SHANK1: variants seen among roughly 807,000 people sequenced by gnomAD.
SHANK1 encodes SH3 and multiple ankyrin repeat domains protein 1.
Under a neutral mutation model 165.6 loss-of-function variants are expected in SHANK1, and 35 were observed. The observed-to-expected ratio is 0.21, with a 90% CI of 0.16 to 0.28. The LOEUF is 0.28. SHANK1 is among the 10% of genes least tolerant of loss of function. The pLI, the probability that SHANK1 is intolerant of heterozygous loss-of-function variation, is 1.00. For synonymous variants in SHANK1, 1,428 were observed against 1,384.8 expected (o/e 1.03, Z -0.69); for missense variants, 2,681 against 3,036.4 (o/e 0.88, Z 2.75).
rs909508686 is a variant in SHANK1, at chr19:50,686,194, C to T, written c.2577+43G>A. The T allele has an allele frequency of 8.2e-6, 10 of 1,217,140 alleles. No homozygotes were observed. The highest frequency in any genetic ancestry group is 2.8e-5 in the South Asian group (2 of 70,590). 75.4% of individuals were successfully genotyped at this position (1,217,140 alleles called of 1,614,324 possible). A position where few individuals can be genotyped will look rare whatever the true frequency, so the allele number is the denominator to read the frequency against. ...GAAAGGCTCCAGGTTGGTGTGTGAA[C>T]CGCCTCCCCCCTGGCAGTTCCTCCC... On this transcript the variant is annotated intron_variant, in intron 21 of 23. Coordinates refer to ENST00000293441, the MANE Select transcript of SHANK1 (RefSeq NM_016148.5). The surrounding 1 kb of genome is among the most constrained non-coding windows in gnomAD (Gnocchi z 5.7).
intron 23 of SHANK1, among the ~76,000 whole-genome samples, chr19:50,663,478 G>A (rs1375792108): frequency 6.6e-6 from 1 of 152,086 alleles, no homozygotes; most frequent in Non-Finnish European, 1.5e-5. Context: ...TGCCCACCTT[G>A]CCTGTTACAT....
At position 50,697,152 on chromosome 19, in the gene SHANK1, G is replaced by A. The variant is rs1317223407; in HGVS notation, c.1938-30C>T. The stretch of plus-strand genomic sequence containing the variant: ...CGAAGCAAGTCAGCCAGCAGCCAGG[G>A]AGGGGAAAGGTGTCAGTGCACCCAT... On this transcript the variant is annotated intron_variant, in intron 14 of 23. Coordinates refer to ENST00000293441, the MANE Select transcript of SHANK1 (RefSeq NM_016148.5). The surrounding 1 kb of genome is among the most constrained non-coding windows in gnomAD (Gnocchi z 4.7). The A allele has an allele frequency of 3.1e-6, 5 of 1,613,790 alleles. No individual in the cohort carries two copies. In the Admixed American group the frequency reaches 8.3e-5, roughly 27 times the overall value.
intron 12 of SHANK1, among the ~76,000 whole-genome samples, chr19:50,699,840 T>C (rs573279672): frequency 2.3e-4 from 28 of 124,220 alleles, no homozygotes; most frequent in African/African-American, 7.6e-4. Flanking sequence ...GATTAGAGGG[T>C]TTGGGGCATT....
At chr19:50,676,654 G>T (rs893885327) in intron 21 of SHANK1, among the ~76,000 whole-genome samples, 1 of 152,148 alleles carries the variant, frequency 6.6e-6, no homozygotes, top group African/African-American at 2.4e-5. Flanking sequence ...ACTGATGACA[G>T]TTTGGAGTCA....
In SHANK1 at chr19:50,662,471, G is replaced by A. The variant is rs373993850; in HGVS notation, c.5980C>T (p.Leu1994=). ...GAGGGGCTGGGGGCCCGGCGGAGCA[G>A]AGGGGGCCGCATCTCGAACTCCACG... ...QGVEFEMRPP[L]LRRAPSPSLL... Residue 1994 remains leucine, a synonymous_variant, in exon 24 of 24, where the codon CTG becomes TTG. Transcript: ENST00000293441. This position sits in a 1 kb window ranked among gnomAD's most constrained non-coding sequence, Gnocchi z 7.7. The A allele has an allele frequency of 1.3e-6, 2 of 1,553,094 alleles. No individual in the cohort carries two copies. The highest frequency in any genetic ancestry group is 2.4e-5 in the South Asian group (2 of 82,658).
chr19:50,677,830 C>T (rs1186834435), intron 21 of SHANK1, among the ~76,000 whole-genome samples: 1 of 152,186 alleles, frequency 6.6e-6, no homozygotes. Flanking sequence ...TCCTGCCATG[C>T]TGCTCTTCTC....
chr19:50,673,512 G>A (rs1252116865), intron 21 of SHANK1, among the ~76,000 whole-genome samples: 2 of 152,010 alleles, frequency 1.3e-5, no homozygotes, highest in African/African-American at 4.8e-5. Flanking sequence ...TCTCCTCGGC[G>A]AGACCTTCCC....
Position 50,667,028 on chromosome 19 carries a change from G to T in SHANK1, c.4932C>A (p.Asp1644Glu). Residue 1644 changes from aspartate (D) to glutamate (E), a missense_variant, in exon 23 of 24, where the codon GAC (aspartate) becomes GAA (glutamate). Asp to Glu is a conservative substitution (Grantham distance 45, BLOSUM62 2). Transcript: ENST00000293441. The surrounding 1 kb of genome is among the most constrained non-coding windows in gnomAD (Gnocchi z 5.7). ...LTQGASAAPG[D>E]PHPPGPPAPA... ...GGGCAGGCGGGCCTGGTGGATGGGG[G>T]TCCCCAGGAGCGGCGGAGGCCCCCT... 6.5e-7 allele frequency: 1 copy of T among 1,550,162 alleles called. No homozygotes were observed. Among genetic ancestry groups the T allele is most frequent in the East Asian group, 2.3e-5 (1 of 43,416 alleles).
chr19:50,671,180 CTTTTTTT>C (rs35076465), intron 22 of SHANK1, among the ~76,000 whole-genome samples: 4 of 76,724 alleles, frequency 5.2e-5, no homozygotes, highest in Non-Finnish European at 9.1e-5. Context: ...TTTTTTCACT[CTTTTTTT>C]TTTTTTTTTT....
chr19:50,663,957 T>TTTTA (rs1555739159), intron 23 of SHANK1, among the ~76,000 whole-genome samples: 5 of 147,760 alleles, frequency 3.4e-5, no homozygotes, highest in Non-Finnish European at 7.5e-5. Context: ...TTTTTTTTTT[T>TTTTA]AAGACAGGGT....
rs1986418078 is a variant in SHANK1, at chr19:50,688,088, G to T, written c.2173-30C>A. On this transcript the variant is annotated intron_variant, in intron 17 of 23. Coordinates refer to ENST00000293441, the MANE Select transcript of SHANK1 (RefSeq NM_016148.5). The surrounding 1 kb of genome is among the most constrained non-coding windows in gnomAD (Gnocchi z 6.7). Reference sequence around the variant, plus strand: ...GGCACAGACACCCCCAGATCACACAGAGTAGACGAGGGGAGGGGTGCTTGC... The same window carrying T: ...GGCACAGACACCCCCAGATCACACATAGTAGACGAGGGGAGGGGTGCTTGC... 1 of 1,612,650 alleles carries T rather than the reference G, an allele frequency of 6.2e-7. No homozygotes were observed. Among genetic ancestry groups the T allele is most frequent in the Non-Finnish European group, 8.5e-7 (1 of 1,179,586 alleles).
chr19:50,675,119 T>TA (rs1271543360), intron 21 of SHANK1, among the ~76,000 whole-genome samples: 2 of 150,858 alleles, frequency 1.3e-5, no homozygotes, highest in East Asian at 3.9e-4. Flanking sequence ...CCTGTCATCT[T>TA]AGTTACTTGG....
chr19:50,683,871 T>A (rs1986251126), intron 21 of SHANK1, among the ~76,000 whole-genome samples: 1 of 152,184 alleles, frequency 6.6e-6, no homozygotes, highest in African/African-American at 2.4e-5. Context: ...CTGGGAATCA[T>A]GAGGGCCAAC....
At chr19:50,681,535 T>A (rs1192095283) in intron 21 of SHANK1, among the ~76,000 whole-genome samples, 1 of 152,126 alleles carries the variant, frequency 6.6e-6, no homozygotes, top group African/African-American at 2.4e-5. Context: ...CTCTTGACTG[T>A]CCTGTAACTG....
chr19:50,663,133 T>C (rs1985336825), intron 23 of SHANK1: 1 of 201,952 alleles, frequency 5.0e-6, no homozygotes, highest in Non-Finnish European at 1.0e-5. Flanking sequence ...CCCGGTTATA[T>C]GGCACCAAAG....
chr19:50,703,628 C>A lies in SHANK1; in HGVS notation c.1425G>T (p.Ser475=). 1 of 1,547,584 alleles carries A rather than the reference C, an allele frequency of 6.5e-7. No homozygotes were observed. ...CGCTGCTGAGCTTGGTGGTGGGGGC[C>A]GAGGGCTGCGACTGGCCCTGGGACC... The part of the protein sequence containing the change: ...TSGSQGQSQP[S]APTTKLSSGT... The change falls in exon 11 of 24, where the codon TCG becomes TCT. Residue 475 remains serine, a synonymous_variant. Coordinates refer to ENST00000293441, the MANE Select transcript of SHANK1 (RefSeq NM_016148.5).
intron 21 of SHANK1, among the ~76,000 whole-genome samples, chr19:50,676,330 A>G (rs1052026113): frequency 1.3e-5 from 2 of 152,132 alleles, no homozygotes; most frequent in Non-Finnish European, 2.9e-5. Context: ...GAGGTCAAGG[A>G]AGGCCTCACT....
chr19:50,682,771 A>G (rs1307027084), intron 21 of SHANK1, among the ~76,000 whole-genome samples: 2 of 152,208 alleles, frequency 1.3e-5, no homozygotes, highest in African/African-American at 2.4e-5. Context: ...TAGCATCCTG[A>G]ATCTAAGTCC....
At chr19:50,715,863 G>A (rs2123206951) in intron 3 of SHANK1, 133 bp from the exon 4 acceptor site, 1 of 847,314 alleles carries the variant, frequency 1.2e-6, no homozygotes, top group African/African-American at 1.7e-5. Flanking sequence ...AGTGAAAACA[G>A]CCCTGGAACC....
Sources: allele counts gnomAD v4.1 joint callset (sites outside exome capture counted in the v4.1 genomes callset), GRCh38; gene constraint gnomAD v4.1.1; non-coding constraint Gnocchi (gnomAD v3.1); transcripts MANE v1.5; gene names NCBI Gene and HGNC (gene_info 2026-07-23, HGNC 2026-07-21).